CAMK2D: variants seen among roughly 807,000 people sequenced by gnomAD.
The protein encoded by CAMK2D is calcium/calmodulin dependent protein kinase II delta, also known as calcium/calmodulin-dependent protein kinase type II subunit delta.
A neutral mutation model predicts 84.0 loss-of-function variants in CAMK2D; 37 were observed. The ratio of observed to expected loss-of-function variants is 0.44; its 90% CI spans 0.34 to 0.58. The LOEUF is 0.58. CAMK2D is among the 20% of genes least tolerant of loss of function. The pLI is 0.02. For synonymous variants in CAMK2D, 202 were observed against 212.5 expected, an observed-to-expected ratio of 0.95 and a Z score of 0.43; for missense variants, 448 against 652.5, an observed-to-expected ratio of 0.69 and a Z score of 3.41.
At chr4:113,718,770 A>G (rs987851099) in intron 2 of CAMK2D, among the ~76,000 whole-genome samples, 3 of 152,232 alleles carry the variant, frequency 2.0e-5, no homozygotes, top group African/African-American at 7.2e-5. Context: ...GAAGCAAGAT[A>G]AGAGTTGGTT....
chr4:113,541,450 T>C (rs2098529290), intron 6 of CAMK2D, among the ~76,000 whole-genome samples: 2 of 152,222 alleles, frequency 1.3e-5, no homozygotes, highest in Non-Finnish European at 1.5e-5. Flanking sequence ...CCAATTATCA[T>C]AATCTTTATT....
At chr4:113,660,124 C>G (rs2099222638) in intron 3 of CAMK2D, among the ~76,000 whole-genome samples, 1 of 152,144 alleles carries the variant, frequency 6.6e-6, no homozygotes, top group Non-Finnish European at 1.5e-5. Flanking sequence ...ACTGTTACCC[C>G]TTTTCTCACT....
rs77086553 is a variant in CAMK2D, at chr4:113,572,270, A to G, written c.276-20174T>C. Among the ~76,000 whole-genome samples the G allele has an allele frequency of 5.7e-3, 863 of 152,198 alleles. 12 individuals are homozygous for G. The highest frequency in any genetic ancestry group is 0.02 in the African/African-American group (835 of 41,534). ...AGGGAAAAGTACCTAGAAACATATC[A>G]TTAGCTGACAAGGATTGATTGACCT... is the stretch of plus-strand genomic sequence containing the variant. On this transcript the variant is annotated intron_variant, in intron 4 of 20. Transcript: ENST00000511664.
At chr4:113,644,769 C>T (rs935984510) in intron 3 of CAMK2D, among the ~76,000 whole-genome samples, 4 of 152,162 alleles carry the variant, frequency 2.6e-5, no homozygotes, top group African/African-American at 7.2e-5. Context: ...GATATTTTAG[C>T]TTCTCCCTTC....
rs1469712477 is a variant in CAMK2D at position 113,488,982 on chromosome 4, G to A, written c.1135+11481C>T. On this transcript the variant is annotated intron_variant, in intron 16 of 20. Coordinates refer to ENST00000511664, the MANE Select transcript of CAMK2D (RefSeq NM_001321571.2). ...CTCAAGCAATAAAGAGAAAAATTGA[G>A]TATAGAGGTAAAATAGAAGAAATAT... Among the ~76,000 whole-genome samples, 3 of 152,064 alleles carry A rather than the reference G, an allele frequency of 2.0e-5. No homozygotes were observed. The East Asian group carries it at 5.8e-4, about 29-fold the overall frequency.
chr4:113,587,008 C>A (rs769486118), intron 4 of CAMK2D, among the ~76,000 whole-genome samples: 5 of 152,138 alleles, frequency 3.3e-5, no homozygotes, highest in Non-Finnish European at 7.4e-5. Context: ...GCACATAATA[C>A]CCCATCATCT....
chr4:113,651,665 G>T (rs11935698), intron 3 of CAMK2D, among the ~76,000 whole-genome samples: 14,895 of 152,096 alleles, frequency 0.098, 2,106 homozygotes, highest in African/African-American at 0.32. Flanking sequence ...ATGTAAAGCA[G>T]AGTTTTAAAA....
At chr4:113,531,379 G>A (rs1053843294) in intron 7 of CAMK2D, 80 bp from the exon 8 acceptor site, 7 of 765,858 alleles carry the variant, frequency 9.1e-6, no homozygotes, top group South Asian at 5.8e-5. Context: ...GAAAAATATC[G>A]GGGGCTTCTT....
At chr4:113,706,454 G>A (rs945339986) in intron 2 of CAMK2D, among the ~76,000 whole-genome samples, 1 of 152,122 alleles carries the variant, frequency 6.6e-6, no homozygotes, top group Non-Finnish European at 1.5e-5. Context: ...CTGACATAAC[G>A]TGGAGTAACA....
intron 2 of CAMK2D, among the ~76,000 whole-genome samples, chr4:113,673,724 A>G (rs2099304347): frequency 6.6e-6 from 1 of 152,242 alleles, no homozygotes; most frequent in South Asian, 2.1e-4. Context: ...CAGGTGACAA[A>G]GAGTGTCAGT....
At position 113,547,732 on chromosome 4, in the gene CAMK2D, A is replaced by AG. The variant is rs1441244956; in HGVS notation, c.342-17dup. ...AATGCAATGACTGCATGCAAACACC[A>AG]GGGGGCGTGTGTTAGTTCCAAGCTT... On this transcript the variant is annotated splice_polypyrimidine_tract_variant and intron_variant, in intron 5 of 20. Coordinates refer to ENST00000511664, the MANE Select transcript of CAMK2D (RefSeq NM_001321571.2). 10 of 1,524,834 alleles carry AG rather than the reference A, an allele frequency of 6.6e-6. No individual in the cohort carries two copies. In the Admixed American group the frequency reaches 1.9e-4, roughly 30 times the overall value. The allele number at this position is 1,524,834 out of a possible 1,614,324, so 94.5% of individuals were successfully genotyped here.
intron 6 of CAMK2D, among the ~76,000 whole-genome samples, chr4:113,542,619 G>A (rs2098538051): frequency 6.6e-6 from 1 of 151,982 alleles, no homozygotes; most frequent in Non-Finnish European, 1.5e-5. Context: ...GGAGGCTGAG[G>A]CAGGAGAATG....
chr4:113,464,573 AAGG>A (rs776350626), intron 17 of CAMK2D, among the ~76,000 whole-genome samples: 1 of 152,122 alleles, frequency 6.6e-6, no homozygotes, highest in Non-Finnish European at 1.5e-5. Context: ...TGCATGGTGT[AAGG>A]AGAAGGCCCT....
intron 16 of CAMK2D, among the ~76,000 whole-genome samples, chr4:113,468,505 A>G (rs1160046641): frequency 6.6e-6 from 1 of 152,188 alleles, no homozygotes; most frequent in East Asian, 1.9e-4. Flanking sequence ...CTTTAAAGGA[A>G]AGCAGAAGGC....
chr4:113,528,964 G>C (rs2154180904), intron 8 of CAMK2D, among the ~76,000 whole-genome samples: 1 of 152,288 alleles, frequency 6.6e-6, no homozygotes, highest in African/African-American at 2.4e-5. Context: ...CTCTCAGGTA[G>C]GTAGCAGGAA....
At chr4:113,491,905 C>G (rs532368822) in intron 16 of CAMK2D, among the ~76,000 whole-genome samples, 16 of 152,226 alleles carry the variant, frequency 1.1e-4, no homozygotes, top group African/African-American at 3.9e-4. Context: ...TCCATTTCTT[C>G]TAGATTTTCT....
chr4:113,602,787 G>A (rs538417126), intron 4 of CAMK2D, among the ~76,000 whole-genome samples: 5 of 152,206 alleles, frequency 3.3e-5, no homozygotes, highest in South Asian at 4.2e-4. Context: ...TTTAATAAAC[G>A]TCTGTTTGTT....
At chr4:113,740,901 T>C (rs959535795) in intron 2 of CAMK2D, among the ~76,000 whole-genome samples, 2 of 152,192 alleles carry the variant, frequency 1.3e-5, no homozygotes, top group African/African-American at 2.4e-5. Flanking sequence ...CATCCAAAAC[T>C]GTTAAGTGGA....
chr4:113,567,724 A>G (rs147178924), intron 4 of CAMK2D, among the ~76,000 whole-genome samples: 1 of 152,328 alleles, frequency 6.6e-6, no homozygotes, highest in East Asian at 1.9e-4. Flanking sequence ...CAGAAGAATA[A>G]CTTAACTTCT....
Sources: gnomAD v4.1 joint callset for allele counts (sites outside exome capture counted in the v4.1 genomes callset) on GRCh38, gnomAD v4.1.1 for gene constraint, MANE v1.5 for transcripts, NCBI Gene and HGNC (gene_info 2026-07-23, HGNC 2026-07-21) for gene names.